Variants in MAPK10 observed in about 807,000 individuals in gnomAD.
The protein encoded by MAPK10 is mitogen-activated protein kinase 10, also known as JNK3 alpha protein kinase.
MAPK10 carries 25 observed loss-of-function variants against 59.3 expected under a neutral mutation model. The observed-to-expected ratio is 0.42, with a 90% CI of 0.31 to 0.59. The LOEUF (loss-of-function observed/expected upper bound fraction) is 0.59. Among genes scored for constraint, MAPK10 ranks in the 20% least tolerant of loss-of-function variants. MAPK10 has a pLI of 0.15. For missense variants in MAPK10, 351 were observed against 568.9 expected, an observed-to-expected ratio of 0.62 and a Z score of 3.90; for synonymous variants, 190 against 200.5, an observed-to-expected ratio of 0.95 and a Z score of 0.44.
chr4:86,519,610 C>G (rs902569215), intron 1 of MAPK10, among the ~76,000 whole-genome samples: 4 of 151,986 alleles, frequency 2.6e-5, no homozygotes, highest in Admixed American at 2.0e-4. Context: ...GCATTTAGGC[C>G]ATCGTTAGTA....
chr4:86,079,560 G>A (rs1057464924), intron 9 of MAPK10: 3 of 152,142 alleles, frequency 2.0e-5, no homozygotes, highest in African/African-American at 7.2e-5. Flanking sequence ...GCCTGTGATA[G>A]TATTTTGAAA....
intron 2 of MAPK10, among the ~76,000 whole-genome samples, chr4:86,285,925 C>G (rs142090845): frequency 4.1e-4 from 63 of 152,280 alleles, no homozygotes; most frequent in Middle Eastern, 3.4e-3. Flanking sequence ...CAAACAGAAA[C>G]AAATTCCGCC....
rs1347934099 is a variant in MAPK10, at chr4:86,140,037, G to T, written c.236+19261C>A. On this transcript the variant is annotated intron_variant, in intron 4 of 13. Transcript: ENST00000641462. Reference sequence around the variant, plus strand: ...TCATTAAAAAGTCAGGAAACAACAGGTGCTGGAGAGGATGTGGAGAAATAG... The same window carrying T: ...TCATTAAAAAGTCAGGAAACAACAGTTGCTGGAGAGGATGTGGAGAAATAG... Among the ~76,000 whole-genome samples, 4 of 125,898 alleles carry T rather than the reference G, an allele frequency of 3.2e-5. No homozygotes were observed. In the Admixed American group the frequency reaches 3.3e-4, roughly 10 times the overall value. 82.6% of individuals were successfully genotyped at this position (125,898 alleles called of 152,430 possible). A position where few individuals can be genotyped will look rare whatever the true frequency, so the allele number is the denominator to read the frequency against.
chr4:86,282,746 T>C (rs560121610), intron 2 of MAPK10, among the ~76,000 whole-genome samples: 37 of 152,300 alleles, frequency 2.4e-4, no homozygotes, highest in Non-Finnish European at 5.0e-4. Flanking sequence ...TAGTTCTACA[T>C]CCTAGGAATG....
chr4:86,469,625 C>T (rs1752503428), intron 1 of MAPK10, among the ~76,000 whole-genome samples: 1 of 152,176 alleles, frequency 6.6e-6, no homozygotes, highest in Non-Finnish European at 1.5e-5. Flanking sequence ...TAAATACCTC[C>T]TACTATGGTT....
Position 86,379,237 on chromosome 4 carries a change from C to T in MAPK10, c.-121-24593G>A, listed in dbSNP as rs560104623. 3.9e-5 allele frequency among the ~76,000 whole-genome samples: 6 copies of T among 152,272 alleles called. No homozygotes were observed. In the South Asian group the frequency reaches 6.2e-4, roughly 16 times the overall value. ...TTACTACTTTAAGGTCTGAAAGGGA[C>T]GAAACGTCCATCTCCATCTGCGTGC... On this transcript the variant is annotated intron_variant, in intron 1 of 13. Coordinates refer to the MAPK10 transcript ENST00000361569.
At chr4:86,083,141 G>A (rs2051011835) in intron 9 of MAPK10, among the ~76,000 whole-genome samples, 1 of 152,106 alleles carries the variant, frequency 6.6e-6, no homozygotes, top group Admixed American at 6.5e-5. Flanking sequence ...TGTCTGGGGA[G>A]GCAGAGCAGG....
At chr4:86,581,228 T>C (rs1272103596) in intron 1 of MAPK10, among the ~76,000 whole-genome samples, 2 of 151,774 alleles carry the variant, frequency 1.3e-5, no homozygotes, top group South Asian at 2.1e-4. Flanking sequence ...GACTTTCTTA[T>C]GGCATATGGA....
rs568623731 is a variant in MAPK10, at chr4:86,174,017, TTGG to T, written c.67-14553_67-14551del. On this transcript the variant is annotated intron_variant, in intron 3 of 13. Coordinates refer to ENST00000641462, the MANE Select transcript of MAPK10 (RefSeq NM_138982.4). ...GAGAAATAAGAATGCTTTTACACTGTTGGTGGGAATATAAATTACTTCAACCAC... is the reference window on the plus strand; with the variant it reads ...GAGAAATAAGAATGCTTTTACACTGTTGGGAATATAAATTACTTCAACCAC... Among the ~76,000 whole-genome samples, 1,392 of 152,264 alleles carry T rather than the reference TTGG, an allele frequency of 9.1e-3. 7 individuals are homozygous for T. The highest frequency in any genetic ancestry group is 0.016 in the Non-Finnish European group (1,105 of 68,012).
In MAPK10 at chr4:86,280,601, C is replaced by A. The variant is rs75005409; in HGVS notation, c.-7+73929G>T. ...ATTTAATGGGATTACTGGGTATATA[C>A]CCAGTGGAAAATAAATCGTTCTACC... On this transcript the variant is annotated intron_variant, in intron 2 of 13. Transcript: ENST00000641462. Among the ~76,000 whole-genome samples the A allele has an allele frequency of 4.9e-3, 748 of 152,156 alleles. 6 individuals carry two copies. Among genetic ancestry groups the A allele is most frequent in the African/African-American group, 0.017 (694 of 41,496 alleles).
At chr4:86,131,654 A>G (rs1216976558) in intron 4 of MAPK10, among the ~76,000 whole-genome samples, 1 of 152,214 alleles carries the variant, frequency 6.6e-6, no homozygotes, top group Non-Finnish European at 1.5e-5. Flanking sequence ...GAATGCAATT[A>G]GTCAATTGTT....
chr4:86,545,342 G>A (rs180838977), intron 1 of MAPK10, among the ~76,000 whole-genome samples: 204 of 152,274 alleles, frequency 1.3e-3, no homozygotes, highest in African/African-American at 4.7e-3. Context: ...CATCCGTGGC[G>A]GGGAGAGGAT....
intron 1 of MAPK10, among the ~76,000 whole-genome samples, chr4:86,590,223 G>GA (rs1762940104): frequency 1.3e-5 from 2 of 151,972 alleles, no homozygotes; most frequent in African/African-American, 4.8e-5. Flanking sequence ...GTGTGTGTCT[G>GA]AAAAGATACA....
chr4:86,257,425 G>A (rs1429610389), intron 2 of MAPK10, among the ~76,000 whole-genome samples: 1 of 152,154 alleles, frequency 6.6e-6, no homozygotes, highest in Non-Finnish European at 1.5e-5. Flanking sequence ...CTTGAGTCTA[G>A]CAGAATGTCT....
chr4:86,110,924 T>A (rs1358361704), intron 4 of MAPK10, among the ~76,000 whole-genome samples: 1 of 151,968 alleles, frequency 6.6e-6, no homozygotes. Flanking sequence ...TTTGTAGTTC[T>A]CTTTAAAGAA....
chr4:86,190,046 C>A (rs959251133), intron 3 of MAPK10, among the ~76,000 whole-genome samples: 1 of 152,104 alleles, frequency 6.6e-6, no homozygotes, highest in South Asian at 2.1e-4. Flanking sequence ...TGATGGATTA[C>A]ATTTATTGAT....
chr4:86,042,177 G>A (rs1170411769), intron 11 of MAPK10, among the ~76,000 whole-genome samples: 1 of 152,222 alleles, frequency 6.6e-6, no homozygotes, highest in Non-Finnish European at 1.5e-5. Context: ...GGATATGGAT[G>A]AAGCTAGAAG....
intron 2 of MAPK10, among the ~76,000 whole-genome samples, chr4:86,208,440 C>G (rs1265334880): frequency 6.8e-6 from 1 of 148,012 alleles, no homozygotes; most frequent in African/African-American, 2.6e-5. Flanking sequence ...TCAATATACG[C>G]AAGTCAATAA....
chr4:86,365,764 CA>C, intron 1 of MAPK10, among the ~76,000 whole-genome samples: 1 of 152,102 alleles, frequency 6.6e-6, no homozygotes, highest in East Asian at 1.9e-4. Flanking sequence ...TTAACTGCTT[CA>C]AACTCTTTTT....
Sources: gnomAD v4.1 joint callset for allele counts (sites outside exome capture counted in the v4.1 genomes callset) on GRCh38, gnomAD v4.1.1 for gene constraint, MANE v1.5 for transcripts, NCBI Gene and HGNC (gene_info 2026-07-23, HGNC 2026-07-21) for gene names.